CDH12: variants seen among roughly 807,000 people sequenced by gnomAD.
CDH12 encodes cadherin 12, also known as cadherin-12.
CDH12 carries 41 observed loss-of-function variants against 74.1 expected under a neutral mutation model. The ratio of observed to expected loss-of-function variants is 0.55; its 90% CI spans 0.43 to 0.72. The LOEUF (loss-of-function observed/expected upper bound fraction) is 0.72. CDH12 is among the 30% of genes least tolerant of loss of function. The probability of loss-of-function intolerance (pLI) is 0.00; values close to 1 mark genes in which losing one functional copy is unlikely to be tolerated. For synonymous variants in CDH12, 399 were observed against 355.0 expected (o/e 1.12, Z -1.39); for missense variants, 945 against 977.2 (o/e 0.97, Z 0.44).
Position 22,306,153 on chromosome 5 carries a change from ACCCTTCT to A in CDH12, c.-332-93517_-332-93511del, listed in dbSNP as rs569129844. 2.5e-3 allele frequency among the ~76,000 whole-genome samples: 374 copies of A among 152,170 alleles called. 3 individuals are homozygous for A. Among genetic ancestry groups the A allele is most frequent in the African/African-American group, 8.9e-3 (368 of 41,526 alleles). On this transcript the variant is annotated intron_variant, in intron 3 of 14. Transcript: ENST00000382254. ...TCTTTTGCCCCCCTCTACTACAAGAACCCTTCTGCTCACCAGTTGCAATTTATACTGT... is the reference window on the plus strand; with the variant it reads ...TCTTTTGCCCCCCTCTACTACAAGAAGCTCACCAGTTGCAATTTATACTGT...
intron 3 of CDH12, among the ~76,000 whole-genome samples, chr5:22,393,368 A>G (rs1263784421): frequency 6.6e-6 from 1 of 152,132 alleles, no homozygotes; most frequent in African/African-American, 2.4e-5. Flanking sequence ...ACTTAAGGAA[A>G]TATGGCCTTG....
At chr5:22,693,920 T>A (rs887872693) in intron 1 of CDH12, among the ~76,000 whole-genome samples, 5 of 151,586 alleles carry the variant, frequency 3.3e-5, no homozygotes, top group Admixed American at 2.0e-4. Flanking sequence ...TTCATCAATT[T>A]AAAAAAAAAA....
chr5:22,452,627 A>G (rs567689066), intron 2 of CDH12, among the ~76,000 whole-genome samples: 7 of 151,936 alleles, frequency 4.6e-5, no homozygotes, highest in Non-Finnish European at 8.8e-5. Flanking sequence ...GCTAGAAGAA[A>G]ACATGGGAGA....
intron 12 of CDH12, among the ~76,000 whole-genome samples, chr5:21,762,604 T>C (rs1343641696): frequency 6.6e-6 from 1 of 152,106 alleles, no homozygotes; most frequent in Non-Finnish European, 1.5e-5. Context: ...TGTGGCTCAA[T>C]TGGACACAAA....
chr5:21,838,148 T>A (rs990127274), intron 8 of CDH12, among the ~76,000 whole-genome samples: 2 of 152,232 alleles, frequency 1.3e-5, no homozygotes, highest in Admixed American at 1.3e-4. Context: ...TATTATTCTT[T>A]ATAGGCCTCA....
At chr5:21,812,016 C>A (rs1747771928) in intron 9 of CDH12, among the ~76,000 whole-genome samples, 1 of 151,698 alleles carries the variant, frequency 6.6e-6, no homozygotes, top group South Asian at 2.1e-4. Flanking sequence ...TTTCTCAAGC[C>A]CTCCCTCTAT....
intron 2 of CDH12, among the ~76,000 whole-genome samples, chr5:22,464,182 A>G (rs1003421634): frequency 1.3e-5 from 2 of 152,154 alleles, no homozygotes; most frequent in Admixed American, 6.5e-5. Context: ...CTGTCCATGT[A>G]AGAGGTGACT....
intron 1 of CDH12, among the ~76,000 whole-genome samples, chr5:22,646,499 C>A (rs912700189): frequency 1.3e-5 from 2 of 151,812 alleles, no homozygotes; most frequent in Non-Finnish European, 2.9e-5. Context: ...TGTGCCTCAC[C>A]TTTCTCCTTC....
intron 13 of CDH12, among the ~76,000 whole-genome samples, chr5:21,760,337 G>A (rs939309166): frequency 1.3e-5 from 2 of 152,078 alleles, no homozygotes; most frequent in Non-Finnish European, 2.9e-5. Flanking sequence ...TTGACTCATT[G>A]AGAGACTGTC....
intron 1 of CDH12, among the ~76,000 whole-genome samples, chr5:22,822,680 G>C (rs1341518463): frequency 2.6e-5 from 4 of 152,170 alleles, no homozygotes; most frequent in Non-Finnish European, 5.9e-5. Context: ...AAACCACAAT[G>C]AGATACCATC....
chr5:22,133,774 C>T (rs1172288870), intron 4 of CDH12, among the ~76,000 whole-genome samples: 7 of 151,370 alleles, frequency 4.6e-5, no homozygotes, highest in Non-Finnish European at 8.8e-5. Flanking sequence ...TAAACTTATA[C>T]CCTTGTTGAT....
intron 1 of CDH12, among the ~76,000 whole-genome samples, chr5:22,762,830 A>C (rs1423615786): frequency 1.3e-5 from 2 of 152,040 alleles, no homozygotes; most frequent in South Asian, 4.1e-4. Flanking sequence ...TTTGCTTTTC[A>C]AATAACAGTT....
In CDH12 at chr5:21,979,042, C is replaced by T. The variant is rs544927412; in HGVS notation, c.232-3657G>A. Among the ~76,000 whole-genome samples, 3 of 152,104 alleles carry T rather than the reference C, an allele frequency of 2.0e-5. 1 individual carries two copies. In the East Asian group the frequency reaches 5.8e-4, roughly 29 times the overall value. ...CATAGTCTTTTCCATATTTTTGGGT[C>T]ATGTTCACTGTAAAAAAAATCACAT... is the stretch of plus-strand genomic sequence containing the variant. On this transcript the variant is annotated intron_variant, in intron 5 of 14. Coordinates refer to ENST00000382254, the MANE Select transcript of CDH12 (RefSeq NM_004061.5).
chr5:22,805,699 T>G (rs545314729), intron 1 of CDH12, among the ~76,000 whole-genome samples: 1 of 152,278 alleles, frequency 6.6e-6, no homozygotes, highest in Admixed American at 6.5e-5. Context: ...GGGGTACATG[T>G]GCAGAACGTG....
chr5:22,043,705 GAA>G (rs771576771), intron 5 of CDH12, among the ~76,000 whole-genome samples: 1 of 136,746 alleles, frequency 7.3e-6, no homozygotes, highest in African/African-American at 2.7e-5. Context: ...AAAACTCTAT[GAA>G]AAAAAAAAAA....
At chr5:22,049,734 T>C (rs1328003617) in intron 5 of CDH12, among the ~76,000 whole-genome samples, 2 of 152,114 alleles carry the variant, frequency 1.3e-5, no homozygotes, top group Non-Finnish European at 2.9e-5. Flanking sequence ...GAGGTAACTG[T>C]TGTTGTAGGA....
intron 2 of CDH12, among the ~76,000 whole-genome samples, chr5:22,497,660 T>TTTTTC (rs1169553695): frequency 1.4e-5 from 2 of 144,928 alleles, no homozygotes; most frequent in Non-Finnish European, 3.0e-5. Context: ...TTTTTTTTTT[T>TTTTTC]GAGATGTAAT....
At chr5:22,427,646 C>A (rs1743996414) in intron 2 of CDH12, among the ~76,000 whole-genome samples, 1 of 152,068 alleles carries the variant, frequency 6.6e-6, no homozygotes, top group South Asian at 2.1e-4. Flanking sequence ...TAAGGGACTT[C>A]AAGAGTTAAG....
At chr5:22,648,925 T>G (rs1739581048) in intron 1 of CDH12, among the ~76,000 whole-genome samples, 1 of 151,962 alleles carries the variant, frequency 6.6e-6, no homozygotes, top group Non-Finnish European at 1.5e-5. Flanking sequence ...CAGGATAAGA[T>G]GGACAAATGT....
Sources: gnomAD v4.1 joint callset for allele counts (sites outside exome capture counted in the v4.1 genomes callset) on GRCh38, gnomAD v4.1.1 for gene constraint, MANE v1.5 for transcripts, NCBI Gene and HGNC (gene_info 2026-07-23, HGNC 2026-07-21) for gene names.